The following EXOC4 variants were observed in gnomAD, a reference collection of about 807,000 sequenced individuals.
EXOC4 encodes exocyst complex component 4.
EXOC4 carries 71 observed loss-of-function variants against 107.2 expected under a neutral mutation model. That is an observed-to-expected ratio of 0.66 (90% CI 0.55 to 0.81). The LOEUF is 0.81. EXOC4 is among the 30% of genes least tolerant of loss of function. The pLI is 0.00. For synonymous variants in EXOC4, 456 were observed against 441.2 expected, an observed-to-expected ratio of 1.03 and a Z score of -0.42; for missense variants, 1,108 against 1,189.6, an observed-to-expected ratio of 0.93 and a Z score of 1.01.
intron 11 of EXOC4, among the ~76,000 whole-genome samples, chr7:133,819,377 T>C (rs1446793088): frequency 6.6e-6 from 1 of 151,928 alleles, no homozygotes; most frequent in Non-Finnish European, 1.5e-5. Flanking sequence ...ACCCTAATTA[T>C]TAATTAATTT....
At chr7:133,508,056 C>G (rs942718490) in intron 9 of EXOC4, among the ~76,000 whole-genome samples, 1 of 150,668 alleles carries the variant, frequency 6.6e-6, no homozygotes, top group Middle Eastern at 3.4e-3. Context: ...AGCAAAACTC[C>G]GTCTCAAAAA....
chr7:133,867,146 A>G (rs1393538578), intron 11 of EXOC4, among the ~76,000 whole-genome samples: 4 of 152,212 alleles, frequency 2.6e-5, no homozygotes, highest in Non-Finnish European at 4.4e-5. Context: ...TGGGCTCTGC[A>G]GCCAGATTGT....
chr7:133,279,982 G>C (rs141932005), intron 2 of EXOC4, among the ~76,000 whole-genome samples: 1 of 151,976 alleles, frequency 6.6e-6, no homozygotes, highest in Non-Finnish European at 1.5e-5. Context: ...TTTAGAGATA[G>C]GGTTTCACTC....
intron 17 of EXOC4, among the ~76,000 whole-genome samples, chr7:134,046,385 G>A (rs1375210294): frequency 6.6e-6 from 1 of 151,680 alleles, no homozygotes; most frequent in Non-Finnish European, 1.5e-5. Flanking sequence ...CAGGAGAATC[G>A]CTTGAACCTG....
At chr7:133,882,109 T>G (rs1410466780) in intron 11 of EXOC4, among the ~76,000 whole-genome samples, 1 of 152,246 alleles carries the variant, frequency 6.6e-6, no homozygotes, top group Non-Finnish European at 1.5e-5. Flanking sequence ...AGTATATATC[T>G]TTCTGTGACT....
At chr7:133,918,620 C>T (rs1799865844) in intron 13 of EXOC4, among the ~76,000 whole-genome samples, 1 of 152,206 alleles carries the variant, frequency 6.6e-6, no homozygotes, top group South Asian at 2.1e-4. Context: ...TATCACTCAA[C>T]ATTTGCCTTT....
intron 9 of EXOC4, among the ~76,000 whole-genome samples, chr7:133,485,249 C>T (rs2150867645): frequency 6.6e-6 from 1 of 152,004 alleles, no homozygotes; most frequent in African/African-American, 2.4e-5. Context: ...AGCTCTCCTC[C>T]AAGTCACCAG....
At chr7:134,055,490 G>A (rs1165656782) in intron 17 of EXOC4, among the ~76,000 whole-genome samples, 5 of 152,244 alleles carry the variant, frequency 3.3e-5, no homozygotes, top group African/African-American at 1.2e-4. Context: ...TCACGCTTTC[G>A]TTGATGGGAG....
intron 6 of EXOC4, among the ~76,000 whole-genome samples, chr7:133,366,410 G>A (rs753102135): frequency 1.3e-5 from 2 of 152,114 alleles, no homozygotes; most frequent in Middle Eastern, 3.2e-3. Context: ...TGGGTAATTA[G>A]AAGTGTGTTT....
chr7:133,823,872 T>TA lies in EXOC4; in HGVS notation c.1734+6328_1734+6329insA, dbSNP rs1554405853. ...ATATATATATATATATATATATATA[T>TA]TATATATATATATATATATATTTTA... On this transcript the variant is annotated intron_variant, in intron 11 of 17. Coordinates refer to ENST00000253861, the MANE Select transcript of EXOC4 (RefSeq NM_021807.4). Among the ~76,000 whole-genome samples, 79 of 11,588 alleles carry TA rather than the reference T, an allele frequency of 6.8e-3. 1 individual carries two copies. The highest frequency in any genetic ancestry group is 0.029 in the East Asian group (12 of 416). 7.6% of individuals were successfully genotyped at this position (11,588 alleles called of 152,430 possible).
intron 10 of EXOC4, among the ~76,000 whole-genome samples, chr7:133,813,027 T>C (rs1435492479): frequency 6.6e-6 from 1 of 152,188 alleles, no homozygotes; most frequent in Non-Finnish European, 1.5e-5. Context: ...GGGAGGTCCC[T>C]TGCCGCTCTG....
chr7:133,588,560 T>C (rs140252050), intron 9 of EXOC4, among the ~76,000 whole-genome samples: 46 of 152,278 alleles, frequency 3.0e-4, no homozygotes, highest in African/African-American at 1.1e-3. Flanking sequence ...TTTTTGGCCT[T>C]CTTTTCAGCT....
At chr7:134,035,506 A>T (rs1204033370) in intron 17 of EXOC4, among the ~76,000 whole-genome samples, 3 of 152,218 alleles carry the variant, frequency 2.0e-5, no homozygotes, top group Non-Finnish European at 4.4e-5. Context: ...ATACTAGAAG[A>T]AGGAGAGCAG....
chr7:133,934,151 A>T (rs1015365900), intron 13 of EXOC4, among the ~76,000 whole-genome samples: 2 of 152,200 alleles, frequency 1.3e-5, no homozygotes. Flanking sequence ...ATGGTTTTCC[A>T]TAGTATAGAT....
At chr7:133,569,958 A>G (rs907778710) in intron 9 of EXOC4, among the ~76,000 whole-genome samples, 4 of 152,172 alleles carry the variant, frequency 2.6e-5, no homozygotes, top group African/African-American at 4.8e-5. Flanking sequence ...GTTCGCCACT[A>G]ATTTTTATAA....
chr7:133,498,260 G>A (rs1799516228), intron 9 of EXOC4, among the ~76,000 whole-genome samples: 1 of 152,170 alleles, frequency 6.6e-6, no homozygotes. Flanking sequence ...CCTCCTAAGT[G>A]CCTTACAAAC....
At chr7:133,336,324 G>T (rs941724092) in intron 5 of EXOC4, among the ~76,000 whole-genome samples, 1 of 152,152 alleles carries the variant, frequency 6.6e-6, no homozygotes, top group African/African-American at 2.4e-5. Context: ...TAGGCCTTAT[G>T]TTTAGGTCTT....
intron 9 of EXOC4, among the ~76,000 whole-genome samples, chr7:133,553,282 G>A (rs1800626713): frequency 6.6e-6 from 1 of 152,064 alleles, no homozygotes; most frequent in Admixed American, 6.6e-5. Context: ...ACTAATTCAG[G>A]CCTTTTGCCA....
intron 9 of EXOC4, among the ~76,000 whole-genome samples, chr7:133,523,063 T>C (rs1563095897): frequency 6.6e-6 from 1 of 152,172 alleles, no homozygotes; most frequent in East Asian, 1.9e-4. Context: ...TGTAATATAA[T>C]GATAACCATT....
Sources: gnomAD v4.1 joint callset for allele counts (sites outside exome capture counted in the v4.1 genomes callset) on GRCh38, gnomAD v4.1.1 for gene constraint, MANE v1.5 for transcripts, NCBI Gene and HGNC (gene_info 2026-07-23, HGNC 2026-07-21) for gene names.